The following CALN1 variants were observed in gnomAD, a reference collection of about 807,000 sequenced individuals.
CALN1 encodes calneuron 1.
CALN1 carries 17 observed loss-of-function variants against 30.6 expected under a neutral mutation model. The ratio of observed to expected loss-of-function variants is 0.56; its 90% CI spans 0.38 to 0.83. The LOEUF (loss-of-function observed/expected upper bound fraction) is 0.83, where lower values mean the gene tolerates loss of function less well. CALN1 is among the 40% of genes least tolerant of loss of function. CALN1 has a pLI of 0.00. For synonymous variants in CALN1, 156 were observed against 131.4 expected (o/e 1.19, Z -1.28); for missense variants, 291 against 354.9 (o/e 0.82, Z 1.45).
the CALN1 span, among the ~76,000 whole-genome samples, chr7:72,463,664 A>G: frequency 6.6e-6 from 1 of 151,850 alleles, no homozygotes; most frequent in African/African-American, 2.4e-5. Context: ...AGCTCAAGCA[A>G]CCCTCCCACC....
chr7:72,410,106 G>A (rs942251025), intron 1 of CALN1, among the ~76,000 whole-genome samples: 3 of 152,152 alleles, frequency 2.0e-5, no homozygotes, highest in African/African-American at 7.2e-5. Context: ...GTGTAATGGG[G>A]TACGAGTTGC....
At chr7:71,823,015 A>G (rs115060643) in intron 5 of CALN1, among the ~76,000 whole-genome samples, 1,538 of 152,320 alleles carry the variant, frequency 0.01, 25 homozygotes, top group African/African-American at 0.036. Context: ...TTGACAATGA[A>G]ACACTTGTGA....
chr7:72,236,993 T>A (rs1261022085), intron 3 of CALN1, among the ~76,000 whole-genome samples: 2 of 151,970 alleles, frequency 1.3e-5, no homozygotes, highest in East Asian at 3.9e-4. Flanking sequence ...TTTTTATTTT[T>A]TTTTTTTTGA....
At chr7:72,062,293 T>G (rs1395374806) in intron 4 of CALN1, among the ~76,000 whole-genome samples, 1 of 151,994 alleles carries the variant, frequency 6.6e-6, no homozygotes, top group Non-Finnish European at 1.5e-5. Context: ...GGTGGATCAC[T>G]TGAGGTTAGG....
chr7:71,900,042 T>C (rs1370562790), intron 5 of CALN1, among the ~76,000 whole-genome samples: 1 of 152,240 alleles, frequency 6.6e-6, no homozygotes, highest in Admixed American at 6.5e-5. Flanking sequence ...TAGACTTGTC[T>C]ACTTTAAATT....
chr7:71,929,987 G>A (rs1011241390), intron 5 of CALN1, among the ~76,000 whole-genome samples: 9 of 152,082 alleles, frequency 5.9e-5, no homozygotes, highest in African/African-American at 1.9e-4. Context: ...AAATGATGTC[G>A]TATTTGCATA....
chr7:72,144,501 T>C (rs1810203442), intron 3 of CALN1, among the ~76,000 whole-genome samples: 1 of 152,106 alleles, frequency 6.6e-6, no homozygotes, highest in Non-Finnish European at 1.5e-5. Context: ...ACAAAGAGAT[T>C]AGACTCCCAC....
At position 72,230,773 on chromosome 7, in the gene CALN1, T is replaced by C. The variant is rs142746882; in HGVS notation, c.244+47913A>G. Among the ~76,000 whole-genome samples the C allele has an allele frequency of 6.6e-5, 10 of 152,352 alleles. No individual in the cohort carries two copies. In the East Asian group the frequency reaches 1.5e-3, roughly 23 times the overall value. On this transcript the variant is annotated intron_variant, in intron 3 of 6. Coordinates refer to ENST00000395275, the MANE Select transcript of CALN1 (RefSeq NM_031468.4). ...ATTGAAAGATAATAAATTCGTATTC[T>C]GTTAAGCCGCTAAGTTAGTGATAAT...
chr7:72,269,831 T>A (rs1246198852), intron 3 of CALN1, among the ~76,000 whole-genome samples: 1 of 152,220 alleles, frequency 6.6e-6, no homozygotes, highest in Non-Finnish European at 1.5e-5. Context: ...ACAGTCTTTT[T>A]AAAAAGTCCA....
At chr7:72,139,083 C>T (rs117073357) in intron 3 of CALN1, among the ~76,000 whole-genome samples, 2,132 of 152,262 alleles carry the variant, frequency 0.014, 24 homozygotes, top group Non-Finnish European at 0.019. Flanking sequence ...CGTCTAATCA[C>T]GCTTTGCTTC....
intron 5 of CALN1, among the ~76,000 whole-genome samples, chr7:71,963,062 T>A (rs1797328857): frequency 1.3e-5 from 2 of 152,164 alleles, no homozygotes; most frequent in African/African-American, 4.8e-5. Flanking sequence ...AGTTTTGGAA[T>A]CTCAGTTACC....
At chr7:71,798,856 C>T (rs987344884) in intron 6 of CALN1, among the ~76,000 whole-genome samples, 1 of 151,506 alleles carries the variant, frequency 6.6e-6, no homozygotes, top group Non-Finnish European at 1.5e-5. Flanking sequence ...CAACTCCTGA[C>T]CTCGTGATCC....
chr7:72,216,917 A>C (rs966060712), intron 3 of CALN1, among the ~76,000 whole-genome samples: 25 of 151,628 alleles, frequency 1.6e-4, no homozygotes, highest in African/African-American at 5.8e-4. Context: ...ACACCCACTG[A>C]TTTTTTTTAA....
At chr7:72,010,131 T>C (rs975842237) in intron 5 of CALN1, among the ~76,000 whole-genome samples, 1 of 152,210 alleles carries the variant, frequency 6.6e-6, no homozygotes, top group Non-Finnish European at 1.5e-5. Context: ...GACTGCTGTC[T>C]GTGTTTTCCC....
chr7:72,434,495 C>A (rs560656029), intron 1 of CALN1, among the ~76,000 whole-genome samples: 1 of 151,794 alleles, frequency 6.6e-6, no homozygotes, highest in African/African-American at 2.4e-5. Flanking sequence ...GCACTCCAGC[C>A]TGGTGACAGT....
chr7:71,945,641 T>C (rs1411812233), intron 5 of CALN1, among the ~76,000 whole-genome samples: 4 of 152,140 alleles, frequency 2.6e-5, no homozygotes, highest in East Asian at 1.9e-4. Context: ...GGGATCTAGA[T>C]TGTGCACTCC....
chr7:72,170,458 T>C (rs1157606995), intron 3 of CALN1, among the ~76,000 whole-genome samples: 1 of 152,184 alleles, frequency 6.6e-6, no homozygotes, highest in Non-Finnish European at 1.5e-5. Flanking sequence ...CTGCAACCAC[T>C]TGCAAAACAA....
rs187460395 is a variant in CALN1 at position 71,832,387 on chromosome 7, T to G, written c.502-21895A>C. Among the ~76,000 whole-genome samples the G allele has an allele frequency of 1.6e-3, 250 of 152,336 alleles. 1 individual carries two copies. Among genetic ancestry groups the G allele is most frequent in the Non-Finnish European group, 2.4e-3 (166 of 68,028 alleles). On this transcript the variant is annotated intron_variant, in intron 5 of 6. Transcript: ENST00000395275. Reference sequence around the variant, plus strand: ...GGAAAAGAGTCAAACAGCAACAAAGTGCAATCTAAATAAGGAGATGCCTTT... The same window carrying G: ...GGAAAAGAGTCAAACAGCAACAAAGGGCAATCTAAATAAGGAGATGCCTTT...
At chr7:72,228,776 TATTG>T (rs1022298213) in intron 3 of CALN1, among the ~76,000 whole-genome samples, 9 of 128,016 alleles carry the variant, frequency 7.0e-5, no homozygotes, top group African/African-American at 2.8e-4. Flanking sequence ...TTTATTTATT[TATTG>T]AGACAAGGTC....
Sources: gnomAD v4.1 joint callset for allele counts (sites outside exome capture counted in the v4.1 genomes callset) on GRCh38, gnomAD v4.1.1 for gene constraint, MANE v1.5 for transcripts, NCBI Gene and HGNC (gene_info 2026-07-23, HGNC 2026-07-21) for gene names.